Variants in KLHL29 observed in about 807,000 individuals in gnomAD.
KLHL29 encodes kelch-like protein 29.
Under a neutral mutation model 80.4 loss-of-function variants are expected in KLHL29, and 21 were observed. That is an observed-to-expected ratio of 0.26 (90% CI 0.19 to 0.38). The LOEUF (loss-of-function observed/expected upper bound fraction) is 0.38, where lower values mean the gene tolerates loss of function less well. Among genes scored for constraint, KLHL29 ranks in the 10% least tolerant of loss-of-function variants. The pLI is 1.00. For missense variants in KLHL29, 867 were observed against 1,223.9 expected (o/e 0.71, Z 4.35); for synonymous variants, 511 against 526.8 (o/e 0.97, Z 0.41).
At chr2:23,698,755 T>G (rs1572526168) in intron 11 of KLHL29, among the ~76,000 whole-genome samples, 1 of 152,078 alleles carries the variant, frequency 6.6e-6, no homozygotes, top group Non-Finnish European at 1.5e-5. Context: ...CTCGGCAGGG[T>G]CATTTGCATG....
intron 3 of KLHL29, among the ~76,000 whole-genome samples, chr2:23,618,653 A>T (rs1669084738): frequency 6.6e-6 from 1 of 152,090 alleles, no homozygotes. Context: ...AGATCGCGGG[A>T]CTTCTCGGCC....
At chr2:23,621,546 TGAGGGG>T (rs1232062185) in intron 3 of KLHL29, among the ~76,000 whole-genome samples, 2 of 92,466 alleles carry the variant, frequency 2.2e-5, no homozygotes, top group Non-Finnish European at 4.2e-5. Context: ...GAGGAGGAGA[TGAGGGG>T]GAGGGGAGGG....
At chr2:23,466,183 G>C (rs970023980) in intron 1 of KLHL29, among the ~76,000 whole-genome samples, 2 of 152,208 alleles carry the variant, frequency 1.3e-5, no homozygotes, top group African/African-American at 4.8e-5. Flanking sequence ...ATTGCAAGAT[G>C]AGTGCATTGT....
chr2:23,666,168 C>T (rs1483921265), intron 5 of KLHL29, among the ~76,000 whole-genome samples: 1 of 152,246 alleles, frequency 6.6e-6, no homozygotes. Flanking sequence ...TCCCTGCCCT[C>T]AGGGGGCTCA....
chr2:23,490,794 A>T (rs1665075519), intron 2 of KLHL29, among the ~76,000 whole-genome samples: 1 of 152,144 alleles, frequency 6.6e-6, no homozygotes, highest in Non-Finnish European at 1.5e-5. Flanking sequence ...GATGGCTCCC[A>T]ACCTAAACCC....
intron 3 of KLHL29, among the ~76,000 whole-genome samples, chr2:23,622,447 T>C (rs1669206555): frequency 6.6e-6 from 1 of 152,236 alleles, no homozygotes; most frequent in Non-Finnish European, 1.5e-5. Context: ...CGATCTGATC[T>C]GCTGGAGAGC....
At chr2:23,532,648 G>T (rs1466472679) in intron 2 of KLHL29, 1 of 456,602 alleles carries the variant, frequency 2.2e-6, no homozygotes, top group African/African-American at 2.0e-5. Flanking sequence ...TGGGACTGAG[G>T]CCTGGGCGGT....
rs953125973 is a variant in KLHL29 at position 23,572,382 on chromosome 2, A to G, written c.285+9901A>G. ...CTGTGATGGGAAAACATTTTTTGCT[A>G]TTGTTTCTCTTGTTCCTATAATAAT... On this transcript the variant is annotated intron_variant, in intron 3 of 13. Transcript: ENST00000486442. 3.9e-5 allele frequency among the ~76,000 whole-genome samples: 6 copies of G among 152,128 alleles called. No individual in the cohort carries two copies. In the South Asian group the frequency reaches 6.2e-4, roughly 16 times the overall value.
chr2:23,533,756 A>G (rs1234376975), intron 2 of KLHL29, among the ~76,000 whole-genome samples: 2 of 152,228 alleles, frequency 1.3e-5, no homozygotes, highest in African/African-American at 4.8e-5. Context: ...CCTTGTGCTG[A>G]CAATCTAGAA....
At chr2:23,507,542 C>T (rs1380240289) in intron 2 of KLHL29, among the ~76,000 whole-genome samples, 2 of 152,148 alleles carry the variant, frequency 1.3e-5, no homozygotes, top group African/African-American at 2.4e-5. Context: ...GACTCACCTA[C>T]CCTGACTTTG....
At chr2:23,594,824 A>G (rs997568080) in intron 3 of KLHL29, among the ~76,000 whole-genome samples, 10 of 152,248 alleles carry the variant, frequency 6.6e-5, no homozygotes, top group African/African-American at 2.4e-4. Flanking sequence ...ATGAATTTAC[A>G]TACCAAATGG....
At chr2:23,497,701 T>G (rs1665310060) in intron 2 of KLHL29, among the ~76,000 whole-genome samples, 1 of 152,104 alleles carries the variant, frequency 6.6e-6, no homozygotes, top group African/African-American at 2.4e-5. Context: ...CTTAAGCTCT[T>G]TGGAGGAGAG....
At chr2:23,554,156 G>A (rs13002760) in intron 2 of KLHL29, among the ~76,000 whole-genome samples, 10,001 of 152,278 alleles carry the variant, frequency 0.066, 478 homozygotes, top group Non-Finnish European at 0.094. Context: ...ACGTCAAGTC[G>A]TGGCCAAGCC....
chr2:23,415,294 T>C (rs988201980), intron 1 of KLHL29, among the ~76,000 whole-genome samples: 1 of 152,178 alleles, frequency 6.6e-6, no homozygotes, highest in South Asian at 2.1e-4. Context: ...AGCTGTGTCT[T>C]AGCTTCCTAG....
intron 2 of KLHL29, among the ~76,000 whole-genome samples, chr2:23,487,461 T>A (rs1295361293): frequency 6.6e-6 from 1 of 152,200 alleles, no homozygotes; most frequent in Non-Finnish European, 1.5e-5. Flanking sequence ...AAGTACTCCG[T>A]CCTGGGGAAG....
At chr2:23,498,104 C>T (rs537905085) in intron 2 of KLHL29, among the ~76,000 whole-genome samples, 10 of 152,130 alleles carry the variant, frequency 6.6e-5, no homozygotes, top group Admixed American at 1.3e-4. Flanking sequence ...AAAAAAGCAC[C>T]AAAATCTACT....
intron 1 of KLHL29, among the ~76,000 whole-genome samples, chr2:23,466,611 T>C (rs994491254): frequency 1.3e-5 from 2 of 152,242 alleles, no homozygotes; most frequent in African/African-American, 4.8e-5. Context: ...GAAATTTGTA[T>C]GTGCAGTTAC....
intron 4 of KLHL29, among the ~76,000 whole-genome samples, chr2:23,641,294 G>A (rs1669762494): frequency 6.6e-6 from 1 of 152,190 alleles, no homozygotes; most frequent in African/African-American, 2.4e-5. Context: ...AAGGACTAAA[G>A]TGGGGTTCTC....
At chr2:23,635,206 A>G (rs1262583475) in intron 3 of KLHL29, among the ~76,000 whole-genome samples, 1 of 152,246 alleles carries the variant, frequency 6.6e-6, no homozygotes, top group African/African-American at 2.4e-5. Flanking sequence ...TGTGTGTCGC[A>G]GACTCGTGGG....
Sources: gnomAD v4.1 joint callset for allele counts (sites outside exome capture counted in the v4.1 genomes callset) on GRCh38, gnomAD v4.1.1 for gene constraint, MANE v1.5 for transcripts, NCBI Gene and HGNC (gene_info 2026-07-23, HGNC 2026-07-21) for gene names.